Variants in ZMYND11 observed in about 807,000 individuals in gnomAD.
The protein encoded by ZMYND11 is zinc finger MYND domain-containing protein 11.
In ZMYND11, 9 loss-of-function variants were observed where a neutral mutation model predicts 84.9. That is an observed-to-expected ratio of 0.11 (90% CI 0.06 to 0.18). ZMYND11 has a LOEUF of 0.18. Among genes scored for constraint, ZMYND11 ranks in the 10% least tolerant of loss-of-function variants. ZMYND11 has a pLI of 1.00. For missense variants in ZMYND11, 409 were observed against 761.0 expected (o/e 0.54, Z 5.44); for synonymous variants, 250 against 244.1 (o/e 1.02, Z -0.23).
intron 2 of ZMYND11, among the ~76,000 whole-genome samples, chr10:187,499 T>TG (rs1218837377): frequency 6.6e-6 from 1 of 151,956 alleles, no homozygotes; most frequent in Non-Finnish European, 1.5e-5. Flanking sequence ...CCGGGCGCGG[T>TG]GGCGGGCGCC....
In ZMYND11 at chr10:229,170, T is replaced by C. The variant is rs557377625; in HGVS notation, c.439-7668T>C. On this transcript the variant is annotated intron_variant, in intron 4 of 14. Coordinates refer to ENST00000381604, the MANE Select transcript of ZMYND11 (RefSeq NM_001370100.5). ...AAGAAAGAGTTGGCCTTGTAAAAAT[T>C]AATAAATGTAGATACAGCCACAGTG... is the stretch of plus-strand genomic sequence containing the variant. 1.4e-4 allele frequency among the ~76,000 whole-genome samples: 21 copies of C among 152,286 alleles called. No individual in the cohort carries two copies. In the South Asian group the frequency reaches 4.4e-3, roughly 32 times the overall value.
chr10:131,834 T>G (rs1835318427), upstream of ZMYND11, among the ~76,000 whole-genome samples: 1 of 152,122 alleles, frequency 6.6e-6, no homozygotes, highest in Admixed American at 6.5e-5. Context: ...GGCTGAAAGT[T>G]TTTTAAAATT....
At chr10:139,142 A>G (rs1836867899) in intron 1 of ZMYND11, among the ~76,000 whole-genome samples, 1 of 152,232 alleles carries the variant, frequency 6.6e-6, no homozygotes, top group Non-Finnish European at 1.5e-5. Flanking sequence ...TTATTCATCT[A>G]TTTTAATTCA....
At chr10:176,568 G>C (rs1846673270) in intron 1 of ZMYND11, among the ~76,000 whole-genome samples, 1 of 152,060 alleles carries the variant, frequency 6.6e-6, no homozygotes. Context: ...AAAAACATGA[G>C]TTATAAAAAT....
At chr10:175,604 T>C (rs535631678) in intron 1 of ZMYND11, among the ~76,000 whole-genome samples, 1 of 152,146 alleles carries the variant, frequency 6.6e-6, no homozygotes, top group South Asian at 2.1e-4. Context: ...AACTACAAAA[T>C]ATAATTGCGT....
At chr10:241,103 C>A (rs1486220151) in intron 9 of ZMYND11, 133 bp downstream of exon 9, 1 of 593,684 alleles carries the variant, frequency 1.7e-6, no homozygotes, top group Non-Finnish European at 2.8e-6. Context: ...TGAGTATAAA[C>A]AACTGAAAAA....
chr10:197,657 G>A (rs1053610585), intron 2 of ZMYND11, among the ~76,000 whole-genome samples: 1 of 152,158 alleles, frequency 6.6e-6, no homozygotes, highest in Admixed American at 6.5e-5. Flanking sequence ...ACTTCTAATA[G>A]TACTAAAACC....
rs540684454 is a variant in ZMYND11, at chr10:202,154, GT to G, written c.117-7732del. 1.5e-3 allele frequency among the ~76,000 whole-genome samples: 229 copies of G among 152,264 alleles called. 1 individual carries two copies. Among genetic ancestry groups the G allele is most frequent in the Middle Eastern group, 3.4e-3 (1 of 294 alleles). On this transcript the variant is annotated intron_variant, in intron 2 of 14. Coordinates refer to ENST00000381604, the MANE Select transcript of ZMYND11 (RefSeq NM_001370100.5). ...GGTATTGTGTAAATCAGCCTTCAGA[GT>G]TTATTATTAATTCCAGAAAATCTTA...
intron 4 of ZMYND11, among the ~76,000 whole-genome samples, chr10:235,397 A>G (rs1012283636): frequency 8.6e-5 from 13 of 151,916 alleles, no homozygotes; most frequent in Non-Finnish European, 1.8e-4. Flanking sequence ...AGTTATATCA[A>G]TTTGTCTCCC....
In ZMYND11 at chr10:191,584, A is replaced by G. The variant is rs141387688; in HGVS notation, c.116+11456A>G. Among the ~76,000 whole-genome samples, 405 of 152,348 alleles carry G rather than the reference A, an allele frequency of 2.7e-3. 2 individuals carry two copies. Among genetic ancestry groups the G allele is most frequent in the African/African-American group, 8.8e-3 (364 of 41,582 alleles). On this transcript the variant is annotated intron_variant, in intron 2 of 14. Transcript: ENST00000381604. ...CTGCAGTGATGAAGGAGCCCTAACAATGCTGTTGTAGGTTTTGAAGTGTAT... is the reference window on the plus strand; with the variant it reads ...CTGCAGTGATGAAGGAGCCCTAACAGTGCTGTTGTAGGTTTTGAAGTGTAT...
chr10:172,973 A>G (rs1299851923), intron 1 of ZMYND11, among the ~76,000 whole-genome samples: 2 of 152,080 alleles, frequency 1.3e-5, no homozygotes, highest in African/African-American at 4.8e-5. Context: ...CAGAGGCAAT[A>G]CATTGGAGCA....
At chr10:157,394 G>A (rs960609609) in intron 1 of ZMYND11, among the ~76,000 whole-genome samples, 3 of 152,010 alleles carry the variant, frequency 2.0e-5, no homozygotes, top group Non-Finnish European at 1.5e-5. Flanking sequence ...GAGACGGGGT[G>A]TCACCATGTT....
intron 1 of ZMYND11, among the ~76,000 whole-genome samples, chr10:176,724 G>C (rs1272147719): frequency 6.6e-6 from 1 of 152,124 alleles, no homozygotes; most frequent in Non-Finnish European, 1.5e-5. Context: ...TATTTGGTTT[G>C]ATTCCAGGAG....
intron 3 of ZMYND11, among the ~76,000 whole-genome samples, chr10:219,023 TTCTG>T (rs767466646): frequency 6.6e-5 from 10 of 152,218 alleles, no homozygotes; most frequent in Non-Finnish European, 1.0e-4. Context: ...AGCCCATACT[TTCTG>T]TCTGAGAATA....
intron 2 of ZMYND11, among the ~76,000 whole-genome samples, chr10:202,130 G>A (rs1217119384): frequency 2.0e-5 from 3 of 152,180 alleles, no homozygotes; most frequent in Non-Finnish European, 4.4e-5. Flanking sequence ...TACATTTGAG[G>A]TATTGTGTAA....
intron 1 of ZMYND11, among the ~76,000 whole-genome samples, chr10:145,897 ATTTAC>A (rs1189784833): frequency 2.0e-5 from 3 of 151,638 alleles, no homozygotes; most frequent in African/African-American, 7.3e-5. Flanking sequence ...ATTAGGTCTT[ATTTAC>A]TTTTGTTTTT....
At chr10:154,090 C>A (rs1185828922) in intron 1 of ZMYND11, among the ~76,000 whole-genome samples, 1 of 152,202 alleles carries the variant, frequency 6.6e-6, no homozygotes, top group Non-Finnish European at 1.5e-5. Context: ...TCCCATGAAT[C>A]CACAAAGTTA....
Position 239,416 on chromosome 10 carries a change from TTC to T in ZMYND11, c.610-20_610-19del. ...TTTTTACTGGTAACTCTTTTCGTCA[TTC>T]TGTTTTTTGCCCTCTGCAGAAAGTG... is the stretch of plus-strand genomic sequence containing the variant. On this transcript the variant is annotated intron_variant, in intron 6 of 14. Transcript: ENST00000381604. The T allele has an allele frequency of 1.9e-6, 3 of 1,600,674 alleles. No individual in the cohort carries two copies. The highest frequency in any genetic ancestry group is 2.6e-6 in the Non-Finnish European group (3 of 1,171,594).
intron 2 of ZMYND11, among the ~76,000 whole-genome samples, chr10:199,296 TCCC>T (rs1942539968): frequency 8.3e-5 from 2 of 24,152 alleles, no homozygotes; most frequent in Non-Finnish European, 1.7e-4. Context: ...CCTCCCTCAC[TCCC>T]TCCCTCTCTT....
Sources: gnomAD v4.1 joint callset for allele counts (sites outside exome capture counted in the v4.1 genomes callset) on GRCh38, gnomAD v4.1.1 for gene constraint, MANE v1.5 for transcripts, NCBI Gene and HGNC (gene_info 2026-07-23, HGNC 2026-07-21) for gene names.